PTPRT: variants seen among roughly 807,000 people sequenced by gnomAD.
PTPRT encodes receptor-type tyrosine-protein phosphatase T.
A neutral mutation model predicts 176.8 loss-of-function variants in PTPRT; 56 were observed. That is an observed-to-expected ratio of 0.32 (90% CI 0.26 to 0.40). PTPRT has a LOEUF of 0.40. PTPRT is among the 10% of genes least tolerant of loss of function. PTPRT has a pLI of 1.00. For missense variants in PTPRT, 1,540 were observed against 1,908.2 expected (o/e 0.81, Z 3.60); for synonymous variants, 783 against 739.0 (o/e 1.06, Z -0.96).
intron 8 of PTPRT, among the ~76,000 whole-genome samples, chr20:42,465,891 C>T (rs1304299809): frequency 1.3e-5 from 2 of 152,150 alleles, no homozygotes; most frequent in East Asian, 3.9e-4. Flanking sequence ...TATTAAGCCC[C>T]ATATGCATTA....
chr20:43,167,117 A>G (rs956859100), intron 1 of PTPRT, among the ~76,000 whole-genome samples: 1 of 152,158 alleles, frequency 6.6e-6, no homozygotes, highest in Non-Finnish European at 1.5e-5. Flanking sequence ...AAAAGCCTTT[A>G]CTCTTGACAG....
chr20:42,579,401 T>A (rs932303061), intron 7 of PTPRT, among the ~76,000 whole-genome samples: 1 of 152,194 alleles, frequency 6.6e-6, no homozygotes, highest in African/African-American at 2.4e-5. Flanking sequence ...CAGCATGATT[T>A]ATAATCCTTT....
chr20:42,556,562 ATCC>A (rs2072864773), intron 7 of PTPRT, among the ~76,000 whole-genome samples: 1 of 962 alleles, frequency 1.0e-3, no homozygotes, highest in Non-Finnish European at 2.0e-3. Context: ...ATATATATAT[ATCC>A]CCTATCTATA....
intron 6 of PTPRT, among the ~76,000 whole-genome samples, chr20:42,730,985 C>T (rs1297068737): frequency 6.6e-6 from 1 of 152,146 alleles, no homozygotes; most frequent in East Asian, 1.9e-4. Context: ...CTTCTGCACC[C>T]AATCTCTGTC....
chr20:42,904,214 G>A (rs190295088), intron 1 of PTPRT, among the ~76,000 whole-genome samples: 1 of 152,262 alleles, frequency 6.6e-6, no homozygotes, highest in African/African-American at 2.4e-5. Flanking sequence ...AAGGACCAAT[G>A]CAGATGATCC....
intron 8 of PTPRT, among the ~76,000 whole-genome samples, chr20:42,467,500 T>C (rs1009835746): frequency 6.6e-6 from 1 of 152,212 alleles, no homozygotes; most frequent in African/African-American, 2.4e-5. Flanking sequence ...TAAATATTAT[T>C]AGAAATGTAA....
chr20:42,242,864 T>C (rs79589849), intron 14 of PTPRT, among the ~76,000 whole-genome samples: 2 of 152,026 alleles, frequency 1.3e-5, no homozygotes, highest in Non-Finnish European at 2.9e-5. Context: ...GGGTTTCAGA[T>C]GACAGGTTTG....
intron 4 of PTPRT, among the ~76,000 whole-genome samples, chr20:42,774,126 A>G (rs1462156297): frequency 6.6e-6 from 1 of 152,220 alleles, no homozygotes; most frequent in Non-Finnish European, 1.5e-5. Context: ...AATTTACAGC[A>G]GAGATAATGA....
chr20:42,740,318 C>A (rs115229323), intron 6 of PTPRT, among the ~76,000 whole-genome samples: 144 of 152,282 alleles, frequency 9.5e-4, no homozygotes, highest in African/African-American at 3.3e-3. Context: ...AGAGACAGCT[C>A]CATGCCAGAG....
intron 7 of PTPRT, among the ~76,000 whole-genome samples, chr20:42,544,252 T>C (rs1031144337): frequency 2.0e-5 from 3 of 152,230 alleles, no homozygotes; most frequent in South Asian, 4.1e-4. Flanking sequence ...TCATCAATTA[T>C]CTTAGCTACA....
chr20:42,605,892 T>C (rs1407810288), intron 7 of PTPRT, among the ~76,000 whole-genome samples: 1 of 152,192 alleles, frequency 6.6e-6, no homozygotes. Flanking sequence ...TCAGATTCTA[T>C]AGATGTGGCG....
At chr20:42,106,450 C>A (rs1167301961) in intron 24 of PTPRT, among the ~76,000 whole-genome samples, 1 of 152,220 alleles carries the variant, frequency 6.6e-6, no homozygotes, top group East Asian at 1.9e-4. Context: ...CCTTCTCTTT[C>A]CTTCTCTATC....
chr20:42,634,719 A>T (rs1293936101), intron 7 of PTPRT, among the ~76,000 whole-genome samples: 1 of 152,146 alleles, frequency 6.6e-6, no homozygotes, highest in Non-Finnish European at 1.5e-5. Context: ...ATAGTCTAAT[A>T]GCTGGCATTT....
At chr20:42,251,714 A>AC (rs1278970369) in intron 13 of PTPRT, among the ~76,000 whole-genome samples, 6 of 106,148 alleles carry the variant, frequency 5.7e-5, no homozygotes, top group Admixed American at 5.6e-4. Flanking sequence ...ACCCTGTTGT[A>AC]CTTAAAAAAC....
chr20:42,604,169 C>T (rs1457846926), intron 7 of PTPRT, among the ~76,000 whole-genome samples: 1 of 152,170 alleles, frequency 6.6e-6, no homozygotes, highest in Admixed American at 6.5e-5. Flanking sequence ...TGAAGCTGGA[C>T]GGCCTTGAGT....
chr20:42,507,569 T>A (rs1277773704), intron 7 of PTPRT, among the ~76,000 whole-genome samples: 1 of 152,110 alleles, frequency 6.6e-6, no homozygotes, highest in Non-Finnish European at 1.5e-5. Flanking sequence ...GTGATAAGGA[T>A]AGAAATATAA....
intron 8 of PTPRT, among the ~76,000 whole-genome samples, chr20:42,467,817 C>T (rs2071125554): frequency 6.6e-6 from 1 of 152,120 alleles, no homozygotes. Context: ...TTGTACTATT[C>T]TTTCGATTTT....
At position 43,073,480 on chromosome 20, in the gene PTPRT, T is replaced by TACACAC. The variant is rs11471693; in HGVS notation, c.88+116160_88+116165dup. ...TAGAAAGCACAGGAATATATATATATACACACACACACACGTGTGCTATAC... is the reference window on the plus strand; with the variant it reads ...TAGAAAGCACAGGAATATATATATATACACACACACACACACACACGTGTGCTATAC... On this transcript the variant is annotated intron_variant, in intron 1 of 30. Coordinates refer to ENST00000373187, the MANE Select transcript of PTPRT (RefSeq NM_007050.6). Among the ~76,000 whole-genome samples the TACACAC allele has an allele frequency of 2.8e-3, 419 of 149,690 alleles. 4 individuals carry two copies. The highest frequency in any genetic ancestry group is 6.8e-3 in the Middle Eastern group (2 of 292).
chr20:42,629,239 T>C (rs529915917), intron 7 of PTPRT, among the ~76,000 whole-genome samples: 1 of 152,222 alleles, frequency 6.6e-6, no homozygotes, highest in South Asian at 2.1e-4. Context: ...TGTTGATGCA[T>C]GTTTTGACTT....
Sources: allele counts gnomAD v4.1 joint callset (sites outside exome capture counted in the v4.1 genomes callset), GRCh38; gene constraint gnomAD v4.1.1; transcripts MANE v1.5; gene names NCBI Gene and HGNC (gene_info 2026-07-23, HGNC 2026-07-21).